The following CCSER1 variants were observed in gnomAD, a reference collection of about 807,000 sequenced individuals.
The protein encoded by CCSER1 is coiled-coil serine rich protein 1, also known as serine-rich coiled-coil domain-containing protein 1.
In CCSER1, 41 loss-of-function variants were observed where a neutral mutation model predicts 82.0. The ratio of observed to expected loss-of-function variants is 0.50; its 90% CI spans 0.39 to 0.65. CCSER1 has a LOEUF of 0.65. Among genes scored for constraint, CCSER1 ranks in the 30% least tolerant of loss-of-function variants. The pLI is 0.00. For missense variants in CCSER1, 1,119 were observed against 1,064.2 expected (o/e 1.05, Z -0.72); for synonymous variants, 414 against 383.9 (o/e 1.08, Z -0.92).
intron 1 of CCSER1, among the ~76,000 whole-genome samples, chr4:90,191,297 G>A (rs1015852371): frequency 1.3e-5 from 2 of 151,918 alleles, no homozygotes; most frequent in African/African-American, 4.8e-5. Flanking sequence ...TCTGAGTATG[G>A]GGGCGGGGGG....
chr4:90,403,818 GAAGACAAGATT>G (rs1455751696), intron 4 of CCSER1: 3 of 152,142 alleles, frequency 2.0e-5, no homozygotes, highest in Non-Finnish European at 4.4e-5. Flanking sequence ...AAAGACCACA[GAAGACAAGATT>G]AAGATTGCAG....
chr4:90,656,206 G>A (rs186257037), intron 6 of CCSER1, among the ~76,000 whole-genome samples: 7 of 151,886 alleles, frequency 4.6e-5, no homozygotes, highest in African/African-American at 1.4e-4. Context: ...CTCAATAAAA[G>A]ATCTTTATTT....
At chr4:90,498,720 A>C (rs935451665) in intron 5 of CCSER1, among the ~76,000 whole-genome samples, 2 of 152,184 alleles carry the variant, frequency 1.3e-5, no homozygotes, top group African/African-American at 4.8e-5. Flanking sequence ...TCAAGGGATT[A>C]ATGTTTTCCA....
intron 3 of CCSER1, among the ~76,000 whole-genome samples, chr4:90,380,965 C>G (rs1343582031): frequency 6.6e-6 from 1 of 152,142 alleles, no homozygotes; most frequent in Non-Finnish European, 1.5e-5. Context: ...GGAAACGATG[C>G]GGGAGCACAA....
intron 10 of CCSER1, among the ~76,000 whole-genome samples, chr4:91,432,664 CATAAAAGGG>C (rs1754398726): frequency 6.6e-6 from 1 of 152,000 alleles, no homozygotes; most frequent in African/African-American, 2.4e-5. Context: ...ATTTTATAAT[CATAAAAGGG>C]ACATATATTC....
At chr4:91,109,374 C>T (rs1267853804) in intron 10 of CCSER1, among the ~76,000 whole-genome samples, 1 of 152,062 alleles carries the variant, frequency 6.6e-6, no homozygotes, top group African/African-American at 2.4e-5. Flanking sequence ...TCTAACCTGT[C>T]TCCTAAATGT....
At chr4:90,221,222 A>G (rs1332858944) in intron 1 of CCSER1, among the ~76,000 whole-genome samples, 2 of 152,178 alleles carry the variant, frequency 1.3e-5, no homozygotes, top group Admixed American at 1.3e-4. Flanking sequence ...AGTCTAAGAA[A>G]AAATAATCTT....
In CCSER1 at chr4:91,398,230, CATT is replaced by C. The variant is rs1487512082; in HGVS notation, c.2218-200334_2218-200332del. The stretch of plus-strand genomic sequence containing the variant: ...TTACTGTCATTATGACTTTTGTCTT[CATT>C]ATTATTAAATATTTGAGGGCCATGA... On this transcript the variant is annotated intron_variant, in intron 10 of 10. Transcript: ENST00000509176. Among the ~76,000 whole-genome samples the C allele has an allele frequency of 2.6e-5, 4 of 151,698 alleles. No homozygotes were observed. The East Asian group carries it at 7.8e-4, about 29-fold the overall frequency.
intron 10 of CCSER1, among the ~76,000 whole-genome samples, chr4:91,448,054 A>G (rs1297845412): frequency 2.0e-5 from 3 of 152,128 alleles, no homozygotes; most frequent in Non-Finnish European, 4.4e-5. Context: ...GCAAGTTGCT[A>G]CTTCATAAGG....
chr4:91,453,007 C>G (rs1467608325), intron 10 of CCSER1, among the ~76,000 whole-genome samples: 1 of 151,984 alleles, frequency 6.6e-6, no homozygotes, highest in Non-Finnish European at 1.5e-5. Flanking sequence ...TTGTATTACT[C>G]TCTTTTAAAT....
At chr4:91,078,573 G>T (rs1052380937) in intron 9 of CCSER1, among the ~76,000 whole-genome samples, 2 of 152,234 alleles carry the variant, frequency 1.3e-5, no homozygotes, top group Admixed American at 6.5e-5. Context: ...GCTGGACAGA[G>T]AATGACTTTG....
intron 10 of CCSER1, among the ~76,000 whole-genome samples, chr4:91,437,656 G>A (rs570507524): frequency 4.6e-5 from 7 of 152,294 alleles, no homozygotes; most frequent in South Asian, 4.1e-4. Context: ...CGCACCCTGC[G>A]CCAGCCGAAG....
At chr4:91,008,005 G>A (rs1599456) in intron 9 of CCSER1, among the ~76,000 whole-genome samples, 41,982 of 151,822 alleles carry the variant, frequency 0.28, 7,013 homozygotes, top group East Asian at 0.39. Context: ...CCCATTGGCC[G>A]CCAAGAGTGT....
intron 10 of CCSER1, among the ~76,000 whole-genome samples, chr4:91,541,025 A>G (rs945105090): frequency 3.3e-5 from 5 of 152,090 alleles, no homozygotes; most frequent in African/African-American, 1.2e-4. Context: ...GCTTTTCTGT[A>G]TATTTCACCT....
chr4:90,378,295 T>G (rs946997765), intron 3 of CCSER1, among the ~76,000 whole-genome samples: 1 of 152,176 alleles, frequency 6.6e-6, no homozygotes, highest in Non-Finnish European at 1.5e-5. Context: ...TAAAATACTT[T>G]ATAGTTTTCT....
chr4:90,713,662 T>C (rs1035768395), intron 6 of CCSER1, among the ~76,000 whole-genome samples: 3 of 152,016 alleles, frequency 2.0e-5, no homozygotes, highest in Non-Finnish European at 2.9e-5. Context: ...TGGGGTTCTC[T>C]GCATTTTCTG....
At chr4:91,412,253 C>G (rs556543264) in intron 10 of CCSER1, among the ~76,000 whole-genome samples, 1 of 151,924 alleles carries the variant, frequency 6.6e-6, no homozygotes, top group African/African-American at 2.4e-5. Context: ...AACCATCCAC[C>G]GAGGAATCAG....
At chr4:91,254,778 A>T (rs2149154559) in intron 10 of CCSER1, among the ~76,000 whole-genome samples, 1 of 152,214 alleles carries the variant, frequency 6.6e-6, no homozygotes, top group Non-Finnish European at 1.5e-5. Context: ...GCATTTTAAA[A>T]TGTTATAGGT....
At chr4:90,158,593 TC>T (rs1426443913) in intron 1 of CCSER1, among the ~76,000 whole-genome samples, 1 of 152,170 alleles carries the variant, frequency 6.6e-6, no homozygotes, top group Admixed American at 6.5e-5. Context: ...CGGGCTCCCC[TC>T]CCCAGCCTGG....
Sources: gnomAD v4.1 joint callset for allele counts (sites outside exome capture counted in the v4.1 genomes callset) on GRCh38, gnomAD v4.1.1 for gene constraint, MANE v1.5 for transcripts, NCBI Gene and HGNC (gene_info 2026-07-23, HGNC 2026-07-21) for gene names.